Variants in SRP54 observed in about 807,000 individuals in gnomAD.
The protein encoded by SRP54 is signal recognition particle 54.
SRP54 carries 10 observed loss-of-function variants against 64.8 expected under a neutral mutation model. The observed-to-expected ratio is 0.15, with a 90% CI of 0.10 to 0.26. The LOEUF is 0.26. Among genes scored for constraint, SRP54 ranks in the 10% least tolerant of loss-of-function variants. The pLI is 1.00. For synonymous variants in SRP54, 193 were observed against 185.6 expected (o/e 1.04, Z -0.32); for missense variants, 325 against 613.7 (o/e 0.53, Z 4.97).
At chr14:34,997,099 T>C (rs1039961135) in intron 2 of SRP54, among the ~76,000 whole-genome samples, 2 of 152,176 alleles carry the variant, frequency 1.3e-5, no homozygotes, top group East Asian at 1.9e-4. Flanking sequence ...TTGTTTTCTT[T>C]ATTGATATAG....
intron 1 of SRP54, among the ~76,000 whole-genome samples, chr14:34,988,843 T>A (rs2043943527): frequency 6.6e-6 from 1 of 151,988 alleles, no homozygotes; most frequent in African/African-American, 2.4e-5. Context: ...CAGAGGATGC[T>A]CAAGTCCCTG....
At chr14:35,021,771 A>G (rs949829372) in intron 13 of SRP54, among the ~76,000 whole-genome samples, 4 of 152,360 alleles carry the variant, frequency 2.6e-5, no homozygotes, top group African/African-American at 9.6e-5. Flanking sequence ...GTATAACAGA[A>G]TGGCATAGAC....
At chr14:35,024,276 G>A (rs1049538306) in intron 14 of SRP54, among the ~76,000 whole-genome samples, 1 of 152,096 alleles carries the variant, frequency 6.6e-6, no homozygotes, top group African/African-American at 2.4e-5. Flanking sequence ...TGATGTGCCC[G>A]CCTCGGACTC....
intron 4 of SRP54, among the ~76,000 whole-genome samples, chr14:35,004,988 G>A (rs970141148): frequency 2.0e-5 from 3 of 152,118 alleles, no homozygotes; most frequent in South Asian, 4.1e-4. Context: ...TAGACTTTGT[G>A]GACCACGTGA....
chr14:34,993,219 A>G (rs1469710954), intron 1 of SRP54: 1 of 152,202 alleles, frequency 6.6e-6, no homozygotes, highest in Non-Finnish European at 1.5e-5. Flanking sequence ...AAAAAAGTTA[A>G]TTGTGGTGTC....
chr14:34,987,124 G>A (rs1433917729), intron 1 of SRP54, among the ~76,000 whole-genome samples: 3 of 150,554 alleles, frequency 2.0e-5, no homozygotes, highest in African/African-American at 7.3e-5. Flanking sequence ...CCAGCTACAC[G>A]GGAGGCTGAG....
At chr14:34,988,448 G>A (rs2138959554) in intron 1 of SRP54, among the ~76,000 whole-genome samples, 1 of 148,646 alleles carries the variant, frequency 6.7e-6, no homozygotes, top group South Asian at 2.1e-4. Flanking sequence ...TGTAGTCCCA[G>A]CTACTCAGAA....
chr14:34,987,275 G>GTGTATATATATATATATATA (rs1555352664), intron 1 of SRP54, among the ~76,000 whole-genome samples: 1 of 131,498 alleles, frequency 7.6e-6, no homozygotes, highest in Non-Finnish European at 1.6e-5. Flanking sequence ...GTGTGTGTGT[G>GTGTATATATATATATATATA]TATATATATA....
chr14:35,012,217 CAAAA>C (rs60971433), intron 8 of SRP54, among the ~76,000 whole-genome samples: 3 of 107,298 alleles, frequency 2.8e-5, no homozygotes, highest in Middle Eastern at 4.1e-3. Context: ...ACTCCATCTC[CAAAA>C]AAAAAAAAAA....
rs563751413 is a variant in SRP54 at position 34,993,605 on chromosome 14, G to T, written c.-33-3072G>T. On this transcript the variant is annotated intron_variant, in intron 1 of 15. Transcript: ENST00000216774. ...GTCCTCAAATGCATTTTCCCTTCCT[G>T]CCTTTTTATGATTCCTCTCACCTCT... 3.0e-3 allele frequency among the ~76,000 whole-genome samples: 457 copies of T among 152,120 alleles called. 3 individuals are homozygous for T. Among genetic ancestry groups the T allele is most frequent in the African/African-American group, 0.011 (441 of 41,480 alleles).
intron 1 of SRP54, among the ~76,000 whole-genome samples, chr14:34,986,836 G>A (rs1339966218): frequency 6.6e-6 from 1 of 151,550 alleles, no homozygotes; most frequent in Non-Finnish European, 1.5e-5. Flanking sequence ...CCGAGATTGT[G>A]CCACTGCACT....
intron 13 of SRP54, 54 bp from the exon 14 acceptor site, chr14:35,022,856 C>G: frequency 6.8e-7 from 1 of 1,468,698 alleles, no homozygotes; most frequent in African/African-American, 1.4e-5. Context: ...TTGCACATAA[C>G]TGCTTTGATG....
At chr14:34,996,608 A>G (rs548639682) in intron 1 of SRP54, 69 bp from the exon 2 acceptor site, 1 of 804,466 alleles carries the variant, frequency 1.2e-6, no homozygotes, top group East Asian at 2.5e-5. Flanking sequence ...GAACTTAAAT[A>G]CTCTTTAGAA....
chr14:34,996,593 A>T (rs2044076286), intron 1 of SRP54, 84 bp from the exon 2 acceptor site: 5 of 741,002 alleles, frequency 6.7e-6, no homozygotes, highest in Non-Finnish European at 9.7e-6. Context: ...ACACTAGAGT[A>T]ATTTGAACTT....
intron 1 of SRP54, among the ~76,000 whole-genome samples, chr14:34,984,786 G>A (rs2138952774): frequency 6.6e-6 from 1 of 152,206 alleles, no homozygotes; most frequent in African/African-American, 2.4e-5. Context: ...ACAGGTGTGA[G>A]CCACCATGCC....
intron 3 of SRP54, among the ~76,000 whole-genome samples, chr14:35,000,092 T>G (rs1463575943): frequency 4.6e-5 from 7 of 152,200 alleles, no homozygotes; most frequent in African/African-American, 1.7e-4. Flanking sequence ...AATGAAGAAT[T>G]AATGTGTTTG....
chr14:35,020,019 C>T (rs2044500245), intron 13 of SRP54, among the ~76,000 whole-genome samples: 2 of 151,886 alleles, frequency 1.3e-5, no homozygotes, highest in Non-Finnish European at 2.9e-5. Flanking sequence ...CCCGTTTCTA[C>T]TAAAAATACA....
chr14:35,018,114 G>T (rs1413327147), intron 11 of SRP54, among the ~76,000 whole-genome samples: 1 of 152,110 alleles, frequency 6.6e-6, no homozygotes, highest in African/African-American at 2.4e-5. Flanking sequence ...AAAAAATAAA[G>T]AAATTCTGAG....
At chr14:34,988,573 A>ATATATATATATATAT (rs2043932726) in intron 1 of SRP54, among the ~76,000 whole-genome samples, 1 of 23,848 alleles carries the variant, frequency 4.2e-5, no homozygotes, top group Non-Finnish European at 1.6e-4. Context: ...AAAAAAAAAA[A>ATATATATATATATAT]AAAAAATATA....
Sources: gnomAD v4.1 joint callset for allele counts (sites outside exome capture counted in the v4.1 genomes callset) on GRCh38, gnomAD v4.1.1 for gene constraint, MANE v1.5 for transcripts, NCBI Gene and HGNC (gene_info 2026-07-23, HGNC 2026-07-21) for gene names.